Variants in CFAP20DC observed in about 807,000 individuals in gnomAD.
CFAP20DC encodes the protein protein CFAP20DC.
In CFAP20DC, 84 loss-of-function variants were observed where a neutral mutation model predicts 101.7. That is an observed-to-expected ratio of 0.83 (90% CI 0.69 to 0.99). The LOEUF is 0.99. Ranked by LOEUF, CFAP20DC falls within the 50% of genes least tolerant of loss-of-function variation. The probability of loss-of-function intolerance (pLI) is 0.00; values close to 1 mark genes in which losing one functional copy is unlikely to be tolerated. For synonymous variants in CFAP20DC, 359 were observed against 351.2 expected (o/e 1.02, Z -0.25); for missense variants, 1,007 against 970.3 (o/e 1.04, Z -0.50).
At chr3:58,805,060 C>A (rs937968223) in intron 15 of CFAP20DC, among the ~76,000 whole-genome samples, 3 of 152,182 alleles carry the variant, frequency 2.0e-5, no homozygotes, top group African/African-American at 4.8e-5. Context: ...TTCCTGGAAG[C>A]CATGTTCATT....
intron 6 of CFAP20DC, among the ~76,000 whole-genome samples, chr3:58,906,383 T>C (rs755039170): frequency 7.2e-5 from 11 of 152,140 alleles, no homozygotes; most frequent in Admixed American, 2.0e-4. Flanking sequence ...CGTCTATAAT[T>C]ACACACAGAA....
At chr3:58,990,039 G>A (rs909475898) in intron 4 of CFAP20DC, among the ~76,000 whole-genome samples, 1 of 152,110 alleles carries the variant, frequency 6.6e-6, no homozygotes, top group African/African-American at 2.4e-5. Context: ...ATGCCTAAGA[G>A]GTGCCTGCAA....
intron 12 of CFAP20DC, among the ~76,000 whole-genome samples, chr3:58,858,799 G>C (rs1230380739): frequency 6.6e-6 from 1 of 152,186 alleles, no homozygotes; most frequent in African/African-American, 2.4e-5. Context: ...GTAACTAAGT[G>C]TGTGGATTGA....
intron 15 of CFAP20DC, among the ~76,000 whole-genome samples, chr3:58,761,923 C>A (rs1426977020): frequency 6.6e-6 from 1 of 151,958 alleles, no homozygotes; most frequent in Admixed American, 6.6e-5. Flanking sequence ...AATTTCTGTT[C>A]TTTTACATTT....
chr3:58,860,443 C>A (rs2079157075), intron 12 of CFAP20DC, among the ~76,000 whole-genome samples: 1 of 152,124 alleles, frequency 6.6e-6, no homozygotes, highest in Admixed American at 6.6e-5. Flanking sequence ...GATACAAAAG[C>A]CTTCCGGCTA....
chr3:59,032,291 T>G (rs1422129501), intron 4 of CFAP20DC, among the ~76,000 whole-genome samples: 1 of 151,808 alleles, frequency 6.6e-6, no homozygotes, highest in African/African-American at 2.4e-5. Flanking sequence ...AACACCGAGA[T>G]AGCTGCAGGA....
chr3:58,954,048 G>A (rs187920158), intron 4 of CFAP20DC, among the ~76,000 whole-genome samples: 5 of 152,274 alleles, frequency 3.3e-5, no homozygotes, highest in Non-Finnish European at 1.5e-5. Flanking sequence ...CTAGTGATCA[G>A]CAGGTTTATA....
At chr3:58,862,989 A>G (rs1346521859) in intron 12 of CFAP20DC, 1 of 976,396 alleles carries the variant, frequency 1.0e-6, no homozygotes, top group African/African-American at 1.8e-5. Flanking sequence ...ATATATCCAT[A>G]TTCTAAATAA....
chr3:59,011,530 A>G (rs1027755531), intron 4 of CFAP20DC, among the ~76,000 whole-genome samples: 14 of 152,146 alleles, frequency 9.2e-5, no homozygotes, highest in Admixed American at 9.2e-4. Context: ...GAACAAATCA[A>G]ACCCAAACTC....
chr3:59,029,175 G>A (rs1164849178), intron 4 of CFAP20DC, among the ~76,000 whole-genome samples: 7 of 152,084 alleles, frequency 4.6e-5, no homozygotes, highest in Non-Finnish European at 8.8e-5. Context: ...CCTTCCGCCC[G>A]TATGTCCGTA....
chr3:59,019,805 G>A (rs962290436), intron 4 of CFAP20DC, among the ~76,000 whole-genome samples: 1 of 152,068 alleles, frequency 6.6e-6, no homozygotes, highest in Admixed American at 6.6e-5. Context: ...GTAGTTTGGG[G>A]ATAGCTAAGG....
At chr3:58,858,799 G>T (rs1230380739) in intron 12 of CFAP20DC, among the ~76,000 whole-genome samples, 1 of 152,186 alleles carries the variant, frequency 6.6e-6, no homozygotes, top group Non-Finnish European at 1.5e-5. Flanking sequence ...GTAACTAAGT[G>T]TGTGGATTGA....
chr3:58,949,232 C>A (rs978327128), intron 4 of CFAP20DC, among the ~76,000 whole-genome samples: 4 of 152,166 alleles, frequency 2.6e-5, no homozygotes, highest in African/African-American at 9.7e-5. Context: ...TTTCAAAAAA[C>A]CAGCTCCTGG....
chr3:58,757,207 GA>G (rs2069038860), intron 15 of CFAP20DC, among the ~76,000 whole-genome samples: 1 of 152,026 alleles, frequency 6.6e-6, no homozygotes, highest in Non-Finnish European at 1.5e-5. Flanking sequence ...GATTTCCCGA[GA>G]GCAACTTTAG....
At chr3:58,982,126 A>G (rs948300567) in intron 4 of CFAP20DC, among the ~76,000 whole-genome samples, 3 of 152,236 alleles carry the variant, frequency 2.0e-5, no homozygotes, top group Non-Finnish European at 4.4e-5. Flanking sequence ...ATCACTGGCC[A>G]TCAGAGAAAT....
chr3:59,016,179 G>A (rs1476953627), intron 4 of CFAP20DC, among the ~76,000 whole-genome samples: 1 of 152,140 alleles, frequency 6.6e-6, no homozygotes, highest in Admixed American at 6.6e-5. Flanking sequence ...TATACACAAT[G>A]GAATACTATC....
rs751925163 is a variant in CFAP20DC at position 58,869,459 on chromosome 3, C to T, written c.884G>A (p.Arg295Gln). Residue 295 changes from arginine to glutamine, a missense_variant, in exon 9 of 17, where the codon CGA (arginine) becomes CAA (glutamine). Transcript: ENST00000482387. The surrounding 1 kb of genome is among the most constrained non-coding windows in gnomAD (Gnocchi z 4.3). ...TVRSVGSKNN[R>Q]SCQPSTVEKC... ...CTCTACAGTGGACGGCTGGCATGAT[C>T]GGTTATTTTTGGACCCAACGGATCT... is the stretch of plus-strand genomic sequence containing the variant. 35 of 1,612,270 alleles carry T rather than the reference C, an allele frequency of 2.2e-5. No homozygotes were observed. The highest frequency in any genetic ancestry group is 1.5e-4 in the South Asian group (14 of 90,686).
intron 4 of CFAP20DC, among the ~76,000 whole-genome samples, chr3:58,994,125 C>T (rs2093032548): frequency 6.6e-6 from 1 of 152,162 alleles, no homozygotes; most frequent in Non-Finnish European, 1.5e-5. Flanking sequence ...TAAATAAAAA[C>T]CTATCTTCCT....
At chr3:58,987,456 T>C (rs749635123) in intron 4 of CFAP20DC, among the ~76,000 whole-genome samples, 3 of 151,876 alleles carry the variant, frequency 2.0e-5, no homozygotes, top group Non-Finnish European at 2.9e-5. Context: ...AAAAACAATA[T>C]ATTACAAAAG....
Sources: allele counts gnomAD v4.1 joint callset (sites outside exome capture counted in the v4.1 genomes callset), GRCh38; gene constraint gnomAD v4.1.1; non-coding constraint Gnocchi (gnomAD v3.1); transcripts MANE v1.5; gene names NCBI Gene and HGNC (gene_info 2026-07-23, HGNC 2026-07-21).